Variants in NF1 observed in about 807,000 individuals in gnomAD.
NF1 encodes neurofibromin.
Under a neutral mutation model 325.7 loss-of-function variants are expected in NF1, and 122 were observed. That is an observed-to-expected ratio of 0.37 (90% confidence interval 0.32 to 0.44). NF1 has a LOEUF of 0.44. NF1 is among the 20% of genes least tolerant of loss of function. The pLI is 1.00. For synonymous variants in NF1, 1,091 were observed against 1,186.0 expected (o/e 0.92, Z 1.65); for missense variants, 2,140 against 3,415.4 (o/e 0.63, Z 9.31).
intron 8 of NF1, among the ~76,000 whole-genome samples, chr17:31,187,531 C>T (rs1311416517): frequency 6.6e-6 from 1 of 152,136 alleles, no homozygotes; most frequent in African/African-American, 2.4e-5. Flanking sequence ...CATCCTGAAG[C>T]AGCTGGATTG....
Position 31,258,339 on chromosome 17 carries a change from TTTAGGTGG to T in NF1, c.4174_4181del (p.Val1392ProfsTer29). The T allele has an allele frequency of 6.2e-7, 1 of 1,613,960 alleles. No homozygotes were observed. Among genetic ancestry groups the T allele is most frequent in the Non-Finnish European group, 8.5e-7 (1 of 1,179,866 alleles). On this transcript the variant is annotated splice_acceptor_variant and splice_polypyrimidine_tract_variant and coding_sequence_variant and intron_variant, in exon 32 of 58. Transcript: ENST00000358273. LOFTEE classifies it high-confidence loss of function. ...TATACTCAATTCTCAACTCCTTGTT[TTTAGGTGG>T]TTAGCCAGCGTTTCCCTCAGAACAG...
chr17:31,153,931 T>G (rs1322063751), intron 1 of NF1, among the ~76,000 whole-genome samples: 1 of 152,058 alleles, frequency 6.6e-6, no homozygotes, highest in East Asian at 1.9e-4. Flanking sequence ...GTTTTGTAAC[T>G]ATAAATGGTT....
At chr17:31,189,362 G>T (rs1413092174) in intron 8 of NF1, among the ~76,000 whole-genome samples, 1 of 152,062 alleles carries the variant, frequency 6.6e-6, no homozygotes, top group Non-Finnish European at 1.5e-5. Flanking sequence ...CTTCCCAGAA[G>T]ATATTATTCA....
At chr17:31,314,107 G>C (rs1452786550) in intron 36 of NF1, 1 of 397,498 alleles carries the variant, frequency 2.5e-6, no homozygotes, top group Admixed American at 4.4e-5. Flanking sequence ...AACTGAAATA[G>C]TTTCTGTAGA....
At chr17:31,314,929 G>C (rs1015102262) in intron 36 of NF1, among the ~76,000 whole-genome samples, 1 of 152,124 alleles carries the variant, frequency 6.6e-6, no homozygotes, top group Non-Finnish European at 1.5e-5. Flanking sequence ...AACAGCGTAC[G>C]AGAGTTCCAT....
intron 57 of NF1, chr17:31,362,276 CT>C (rs2070417843): frequency 1.0e-6 from 1 of 985,060 alleles, no homozygotes; most frequent in Non-Finnish European, 1.2e-6. Context: ...TTAAAATTTA[CT>C]TTTTTTACAG....
At chr17:31,100,541 A>G (rs1707080959) in intron 1 of NF1, among the ~76,000 whole-genome samples, 1 of 151,870 alleles carries the variant, frequency 6.6e-6, no homozygotes, top group South Asian at 2.1e-4. Flanking sequence ...GGAATTTTTT[A>G]ATTTATTATT....
chr17:31,297,935 C>T (rs957458637), intron 36 of NF1, among the ~76,000 whole-genome samples: 1 of 152,092 alleles, frequency 6.6e-6, no homozygotes, highest in Admixed American at 6.6e-5. Flanking sequence ...GCATCTTATA[C>T]TTCAGATTAT....
At chr17:31,322,331 T>G (rs1172039175) in intron 36 of NF1, among the ~76,000 whole-genome samples, 1 of 150,858 alleles carries the variant, frequency 6.6e-6, no homozygotes, top group Non-Finnish European at 1.5e-5. Context: ...AATATAAAAA[T>G]TAACCAGGCA....
rs933396028 is a variant in NF1 at position 31,095,232 on chromosome 17, C to T, written c.-78C>T. On this transcript the variant is annotated 5_prime_UTR_variant, in exon 1 of 58. Coordinates refer to ENST00000358273, the MANE Select transcript of NF1 (RefSeq NM_001042492.3). ...CTCCTTGCCTCTTCCCTCACCTCAG[C>T]CTCCGCTCCCCGCCCTCTTCCCGGC... 7.2e-7 allele frequency: 1 copy of T among 1,387,432 alleles called. No homozygotes were observed. Among genetic ancestry groups the T allele is most frequent in the Non-Finnish European group, 9.9e-7 (1 of 1,013,176 alleles). 85.9% of individuals were successfully genotyped at this position (1,387,432 alleles called of 1,614,324 possible).
chr17:31,325,698 G>C (rs1377914078), intron 36 of NF1, 122 bp from the exon 37 acceptor site: 1 of 786,056 alleles, frequency 1.3e-6, no homozygotes, highest in South Asian at 1.7e-5. Context: ...TCCAGACTTT[G>C]AAGAATTGTT....
chr17:31,176,212 ATTC>A (rs568947961), intron 5 of NF1, among the ~76,000 whole-genome samples: 83 of 152,318 alleles, frequency 5.4e-4, no homozygotes, highest in African/African-American at 1.9e-3. Flanking sequence ...AATGATCGCC[ATTC>A]TTACTGGCGT....
chr17:31,173,858 A>G (rs2065973862), intron 5 of NF1, among the ~76,000 whole-genome samples: 1 of 152,240 alleles, frequency 6.6e-6, no homozygotes, highest in Non-Finnish European at 1.5e-5. Flanking sequence ...AGATTATGGT[A>G]TATAACACAT....
chr17:31,322,455 T>C (rs576202452), intron 36 of NF1, among the ~76,000 whole-genome samples: 33 of 122,770 alleles, frequency 2.7e-4, no homozygotes, highest in African/African-American at 9.3e-4. Flanking sequence ...TGAGCTAAGA[T>C]CATGCCACTG....
rs370523597 is a variant in NF1 at position 31,319,027 on chromosome 17, T to A, written c.4836-6793T>A. The A allele has an allele frequency of 6.8e-4, 1,069 of 1,579,542 alleles. 3 individuals are homozygous for A. The highest frequency in any genetic ancestry group is 8.7e-4 in the Non-Finnish European group (1,021 of 1,169,102). On this transcript the variant is annotated intron_variant, in intron 36 of 57. Coordinates refer to ENST00000358273, the MANE Select transcript of NF1 (RefSeq NM_001042492.3). Reference sequence around the variant, plus strand: ...GTCCGTGGGCATGCTTGGCAATCTGTTGGGATAGCAATATAATTTGTTAGT... The same window carrying A: ...GTCCGTGGGCATGCTTGGCAATCTGATGGGATAGCAATATAATTTGTTAGT...
At chr17:31,180,237 A>G (rs766061668) in intron 5 of NF1, among the ~76,000 whole-genome samples, 16 of 152,264 alleles carry the variant, frequency 1.1e-4, no homozygotes, top group Non-Finnish European at 2.1e-4. Context: ...TCCCTAACTC[A>G]TTTTATGAGG....
chr17:31,287,406 A>C (rs1358570480), intron 36 of NF1, among the ~76,000 whole-genome samples: 2 of 152,252 alleles, frequency 1.3e-5, no homozygotes, highest in Non-Finnish European at 2.9e-5. Context: ...CGTAGGTGAT[A>C]AACTTTATGT....
At chr17:31,189,274 A>T (rs771799582) in intron 8 of NF1, among the ~76,000 whole-genome samples, 4 of 152,072 alleles carry the variant, frequency 2.6e-5, no homozygotes, top group Non-Finnish European at 5.9e-5. Context: ...TCTTTTTACT[A>T]TATAGATATT....
chr17:31,217,731 G>A (rs1245406510), intron 13 of NF1, among the ~76,000 whole-genome samples: 1 of 151,734 alleles, frequency 6.6e-6, no homozygotes, highest in Non-Finnish European at 1.5e-5. Context: ...TTGGGAAGCC[G>A]AGGCAGGTGG....
Sources: allele counts gnomAD v4.1 joint callset (sites outside exome capture counted in the v4.1 genomes callset), GRCh38; gene constraint gnomAD v4.1.1; transcripts MANE v1.5; gene names NCBI Gene and HGNC (gene_info 2026-07-23, HGNC 2026-07-21).